Variants in BRCA1 observed in about 807,000 individuals in gnomAD.
The protein encoded by BRCA1 is BRCA1 DNA repair associated.
Under a neutral mutation model 173.7 loss-of-function variants are expected in BRCA1, and 140 were observed. That is an observed-to-expected ratio of 0.81 (90% CI 0.70 to 0.93). BRCA1 has a LOEUF of 0.93. Ranked by LOEUF, BRCA1 falls within the 40% of genes least tolerant of loss-of-function variation. The pLI is 0.00. For synonymous variants in BRCA1, 662 were observed against 756.0 expected, an observed-to-expected ratio of 0.88 and a Z score of 2.04; for missense variants, 1,983 against 2,172.5, an observed-to-expected ratio of 0.91 and a Z score of 1.73.
intron 13 of BRCA1, 67 bp from the exon 14 acceptor site, chr17:43,074,588 G>A (rs2154026470): frequency 7.1e-7 from 1 of 1,413,016 alleles, no homozygotes; most frequent in Non-Finnish European, 9.9e-7. Flanking sequence ...ATACTTGCTG[G>A]GCAGCCAAAG....
At chr17:43,078,160 C>T (rs1259983839) in intron 12 of BRCA1, among the ~76,000 whole-genome samples, 15 of 151,864 alleles carry the variant, frequency 9.9e-5, no homozygotes, top group African/African-American at 3.1e-4. Context: ...TCTCGGCTCA[C>T]TGCAACCTCT....
chr17:43,129,430 CGAA>C (rs1472111538), upstream of BRCA1, among the ~76,000 whole-genome samples: 3 of 152,040 alleles, frequency 2.0e-5, no homozygotes, highest in African/African-American at 7.2e-5. Context: ...GAAAAAGAGA[CGAA>C]GATTAATTTC....
chr17:43,066,711 C>T (rs1394743702), intron 16 of BRCA1, among the ~76,000 whole-genome samples: 2 of 151,634 alleles, frequency 1.3e-5, no homozygotes, highest in Non-Finnish European at 2.9e-5. Context: ...GTCCAGCTGC[C>T]TCACTTGTTG....
intron 7 of BRCA1, among the ~76,000 whole-genome samples, chr17:43,099,166 C>T (rs540725941): frequency 6.6e-6 from 1 of 151,940 alleles, no homozygotes; most frequent in South Asian, 2.1e-4. Flanking sequence ...TACAATTTAT[C>T]TTGGAACTAA....
rs2052173415 is a variant in BRCA1 at position 43,067,649 on chromosome 17, T to C, written c.5033A>G (p.Asn1678Ser). ...ATGAGTAGTCTCTTCAGTAATTAGATTAGTTAAAGTGATGTGGTGTTTTCT... is the reference window on the plus strand; with the variant it reads ...ATGAGTAGTCTCTTCAGTAATTAGACTAGTTAAAGTGATGTGGTGTTTTCT... ...FARKHHITLT[N>S]LITEETTHVV... The change falls in exon 16 of 23, where the codon AAT (asparagine) becomes AGT (serine). Residue 1678 changes from asparagine (N) to serine (S), a missense_variant. Transcript: ENST00000357654. 6.2e-7 allele frequency: 1 copy of C among 1,613,502 alleles called. No homozygotes were observed.
rs1439627151 is a variant in BRCA1, at chr17:43,045,214, G to A, written c.*464C>T. On this transcript the variant is annotated 3_prime_UTR_variant, in exon 23 of 23. Coordinates refer to ENST00000357654, the MANE Select transcript of BRCA1 (RefSeq NM_007294.4). The stretch of plus-strand genomic sequence containing the variant: ...TATTCTGACTTTAAGTCACATAATC[G>A]ATCCCAAGCACTCTCCTTCCATTGA... 1.7e-5 allele frequency: 9 copies of A among 537,536 alleles called. No individual in the cohort carries two copies. The highest frequency in any genetic ancestry group is 2.9e-5 in the Non-Finnish European group (8 of 278,738). 33.3% of individuals were successfully genotyped at this position (537,536 alleles called of 1,614,324 possible). A position where few individuals can be genotyped will look rare whatever the true frequency, so the allele number is the denominator to read the frequency against.
chr17:43,081,510 C>CT (rs1476539474), intron 12 of BRCA1, among the ~76,000 whole-genome samples: 2 of 152,266 alleles, frequency 1.3e-5, no homozygotes, highest in East Asian at 3.9e-4. Flanking sequence ...GAAGAAGGAA[C>CT]TTTAACACTC....
chr17:43,100,662 A>ATGT (rs1325411600), intron 6 of BRCA1, among the ~76,000 whole-genome samples: 1,089 of 4,892 alleles, frequency 0.22, 49 homozygotes, highest in Non-Finnish European at 0.33. Flanking sequence ...TATAACATAT[A>ATGT]TATATATATA....
rs748285767 is a variant in BRCA1, at chr17:43,092,666, T to C, written c.2865A>G (p.Ser955=). The change falls in exon 10 of 23, where the codon TCA becomes TCG. Residue 955 remains serine (S), a synonymous_variant. Transcript: ENST00000357654. Reference sequence around the variant, plus strand: ...CAGTTTCGTTGCCTCTGAACTGAGATGATAGACAAAACCTAGAGCCTCCTT... The same window carrying C: ...CAGTTTCGTTGCCTCTGAACTGAGACGATAGACAAAACCTAGAGCCTCCTT... ...SIKGGSRFCL[S]SQFRGNETGL... is the part of the protein sequence containing the mutation. 1 of 1,614,148 alleles carries C rather than the reference T, an allele frequency of 6.2e-7. No individual in the cohort carries two copies. The highest frequency in any genetic ancestry group is 8.5e-7 in the Non-Finnish European group (1 of 1,180,018).
intron 1 of BRCA1, chr17:43,124,903 G>T: frequency 6.4e-6 from 2 of 311,912 alleles, no homozygotes; most frequent in African/African-American, 2.2e-5. Context: ...GCGGCACCAC[G>T]CCCGGCTAAT....
At chr17:43,158,532 C>T (rs1024728917) in intron 1 of BRCA1, among the ~76,000 whole-genome samples, 8 of 152,080 alleles carry the variant, frequency 5.3e-5, no homozygotes, top group Non-Finnish European at 1.0e-4. Flanking sequence ...AAGAAAATTT[C>T]CTTGAATTTA....
chr17:43,127,235 C>A (rs1161281580), upstream of BRCA1, among the ~76,000 whole-genome samples: 1 of 152,250 alleles, frequency 6.6e-6, no homozygotes, highest in Non-Finnish European at 1.5e-5. Flanking sequence ...GCGCAGGATC[C>A]ACTAGGTGAA....
intron 18 of BRCA1, among the ~76,000 whole-genome samples, chr17:43,060,310 G>A (rs2051692094): frequency 6.6e-6 from 1 of 152,022 alleles, no homozygotes; most frequent in Non-Finnish European, 1.5e-5. Flanking sequence ...CCAAAGTGCT[G>A]GGATTACAGG....
intron 6 of BRCA1, among the ~76,000 whole-genome samples, chr17:43,102,074 T>C (rs1276814883): frequency 6.6e-6 from 1 of 151,706 alleles, no homozygotes; most frequent in Non-Finnish European, 1.5e-5. Flanking sequence ...AGCTAAGTTT[T>C]TTTGTTTTTT....
At chr17:43,084,707 T>A (rs1219441460) in intron 11 of BRCA1, among the ~76,000 whole-genome samples, 1 of 152,222 alleles carries the variant, frequency 6.6e-6, no homozygotes, top group Non-Finnish European at 1.5e-5. Context: ...AGGTTTCTAC[T>A]GCTACTCTAA....
intron 1 of BRCA1, chr17:43,162,374 GC>G (rs1384810315): frequency 1.3e-5 from 2 of 151,946 alleles, no homozygotes; most frequent in Non-Finnish European, 2.9e-5. Flanking sequence ...ACTTGTTTGG[GC>G]ACCCCTTTTT....
chr17:43,123,903 G>C, intron 2 of BRCA1, 114 bp downstream of exon 2: 1 of 836,834 alleles, frequency 1.2e-6, no homozygotes, highest in South Asian at 1.4e-5. Flanking sequence ...AATTACAATA[G>C]CCTAATCTTA....
At chr17:43,064,594 G>C (rs968964154) in intron 16 of BRCA1, among the ~76,000 whole-genome samples, 3 of 152,164 alleles carry the variant, frequency 2.0e-5, no homozygotes, top group Non-Finnish European at 2.9e-5. Flanking sequence ...GTTTTAAACA[G>C]GAGAAATGTA....
At chr17:43,083,043 CTCTA>C (rs952906369) in intron 11 of BRCA1, among the ~76,000 whole-genome samples, 1 of 152,078 alleles carries the variant, frequency 6.6e-6, no homozygotes, top group African/African-American at 2.4e-5. Flanking sequence ...GAAAAAAGCC[CTCTA>C]TCTATGGCAT....
Sources: allele counts gnomAD v4.1 joint callset (sites outside exome capture counted in the v4.1 genomes callset), GRCh38; gene constraint gnomAD v4.1.1; transcripts MANE v1.5; gene names NCBI Gene and HGNC (gene_info 2026-07-23, HGNC 2026-07-21).